Variants in KIF18A observed in about 807,000 individuals in gnomAD.
The protein encoded by KIF18A is kinesin-like protein KIF18A.
A neutral mutation model predicts 103.3 loss-of-function variants in KIF18A; 67 were observed. That is an observed-to-expected ratio of 0.65 (90% CI 0.53 to 0.79). The LOEUF (loss-of-function observed/expected upper bound fraction) is 0.79, where lower values mean the gene tolerates loss of function less well. Ranked by LOEUF, KIF18A falls within the 30% of genes least tolerant of loss-of-function variation. KIF18A has a pLI of 0.00. For missense variants in KIF18A, 1,032 were observed against 1,062.5 expected, an observed-to-expected ratio of 0.97 and a Z score of 0.40; for synonymous variants, 367 against 355.5, an observed-to-expected ratio of 1.03 and a Z score of -0.36.
chr11:28,099,671 G>A (rs1851421059), intron 1 of KIF18A, among the ~76,000 whole-genome samples: 1 of 152,034 alleles, frequency 6.6e-6, no homozygotes, highest in South Asian at 2.1e-4. Flanking sequence ...AAGGAGGTGA[G>A]GGAGTTAGTC....
chr11:28,107,583 C>CAGTGCAA (rs1443246513), intron 1 of KIF18A, among the ~76,000 whole-genome samples: 1 of 152,124 alleles, frequency 6.6e-6, no homozygotes. Flanking sequence ...CCCGATTGAC[C>CAGTGCAA]AGTGCAAGAC....
chr11:28,065,486 C>T (rs186250236), intron 11 of KIF18A, among the ~76,000 whole-genome samples: 24 of 151,984 alleles, frequency 1.6e-4, no homozygotes, highest in African/African-American at 5.1e-4. Context: ...AAAAGTTCTT[C>T]GTAAGAGAAA....
intron 16 of KIF18A, among the ~76,000 whole-genome samples, chr11:28,021,909 C>T (rs1850250620): frequency 6.6e-6 from 1 of 152,116 alleles, no homozygotes; most frequent in South Asian, 2.1e-4. Context: ...CTTTGTTGGC[C>T]ATATTAGGTT....
At position 28,091,432 on chromosome 11, in the gene KIF18A, C is replaced by T. The variant is rs578098705; in HGVS notation, c.565G>A (p.Val189Ile). The T allele has an allele frequency of 9.4e-6, 15 of 1,604,230 alleles. No individual in the cohort carries two copies. The highest frequency in any genetic ancestry group is 4.4e-5 in the South Asian group (4 of 90,618). Residue 189 changes from valine to isoleucine, a missense_variant, in exon 4 of 17, where the codon GTT becomes ATT. Physicochemically the swap from Val to Ile is conservative, Grantham distance 29. Transcript: ENST00000263181. ...ACCTGGTGTAAAGTAAGTCCATGAACGACCACCCCTTTTTGGGTATCTTCC... is the reference window on the plus strand; with the variant it reads ...ACCTGGTGTAAAGTAAGTCCATGAATGACCACCCCTTTTTGGGTATCTTCC... ...VREDTQKGVV[V>I]HGLTLHQPKS...
At chr11:28,080,521 T>C (rs760442890) in intron 9 of KIF18A, among the ~76,000 whole-genome samples, 1 of 152,112 alleles carries the variant, frequency 6.6e-6, no homozygotes, top group Non-Finnish European at 1.5e-5. Context: ...TTGTGACCAA[T>C]GATCTTTGAT....
In KIF18A at chr11:28,083,160, C is replaced by T. The variant is rs113774173; in HGVS notation, c.1149+9G>A. 2.3e-5 allele frequency: 36 copies of T among 1,573,968 alleles called. No individual in the cohort carries two copies. The highest frequency in any genetic ancestry group is 3.1e-5 in the Non-Finnish European group (36 of 1,168,660). ...CGCAAGACTAGCATAAAAATATAAA[C>T]AGACATACCTCTGCCTTCTGCTCAT... On this transcript the variant is annotated intron_variant, in intron 8 of 16. Coordinates refer to ENST00000263181, the MANE Select transcript of KIF18A (RefSeq NM_031217.4).
chr11:28,095,739 G>A (rs1851359820), intron 2 of KIF18A, among the ~76,000 whole-genome samples: 1 of 152,112 alleles, frequency 6.6e-6, no homozygotes, highest in Non-Finnish European at 1.5e-5. Context: ...GCCAGGCTCG[G>A]TGGCTCATCC....
intron 2 of KIF18A, among the ~76,000 whole-genome samples, chr11:28,096,173 CAAAA>C (rs1156735166): frequency 1.4e-4 from 7 of 49,694 alleles, no homozygotes; most frequent in Admixed American, 2.7e-4. Context: ...AAGACTTCAT[CAAAA>C]AAAAAAAAAA....
chr11:28,062,106 A>C (rs1046809250), intron 12 of KIF18A, among the ~76,000 whole-genome samples: 15 of 152,158 alleles, frequency 9.9e-5, no homozygotes, highest in African/African-American at 3.4e-4. Flanking sequence ...TAGAGGTAGA[A>C]GGCAGATTTC....
intron 10 of KIF18A, among the ~76,000 whole-genome samples, chr11:28,070,906 G>C (rs1851004393): frequency 1.3e-5 from 2 of 152,146 alleles, no homozygotes; most frequent in Non-Finnish European, 1.5e-5. Context: ...ATTTAGGCTG[G>C]TTTCGTGGCA....
intron 10 of KIF18A, among the ~76,000 whole-genome samples, chr11:28,073,981 C>G (rs1279144882): frequency 6.6e-6 from 1 of 152,052 alleles, no homozygotes; most frequent in Non-Finnish European, 1.5e-5. Flanking sequence ...CTTATATAAT[C>G]TACACAAAAC....
chr11:28,043,006 A>G (rs950236623), intron 13 of KIF18A, among the ~76,000 whole-genome samples: 2 of 151,864 alleles, frequency 1.3e-5, no homozygotes, highest in Non-Finnish European at 2.9e-5. Context: ...ACACTGGCAG[A>G]TATCAGTAAA....
chr11:28,075,106 T>C (rs972733770), intron 10 of KIF18A, among the ~76,000 whole-genome samples: 10 of 152,218 alleles, frequency 6.6e-5, no homozygotes, highest in African/African-American at 2.4e-4. Flanking sequence ...TCTTTTTCAC[T>C]AAATATCTCC....
intron 1 of KIF18A, among the ~76,000 whole-genome samples, chr11:28,106,364 G>A (rs1156494025): frequency 2.0e-5 from 3 of 151,944 alleles, no homozygotes; most frequent in Non-Finnish European, 4.4e-5. Flanking sequence ...ACACTGTATA[G>A]GACTGAAAAC....
chr11:28,082,903 G>T lies in KIF18A; in HGVS notation c.1215C>A (p.Asp405Glu). 1 of 1,604,782 alleles carries T rather than the reference G, an allele frequency of 6.2e-7. No individual in the cohort carries two copies. The highest frequency in any genetic ancestry group is 8.5e-7 in the Non-Finnish European group (1 of 1,174,716). ...GGTTTGAAATCATTAACTTTGCTTG[G>T]TCATTTTCATTAGTGAAGGCTTTCT... ...EEQKAFTNEN[D>E]QAKLMISNPQ... Residue 405 changes from aspartate (D) to glutamate (E), a missense_variant, in exon 9 of 17, where the codon GAC (aspartate) becomes GAA (glutamate). Physicochemically the swap from Asp to Glu is conservative, Grantham distance 45. Coordinates refer to ENST00000263181, the MANE Select transcript of KIF18A (RefSeq NM_031217.4).
chr11:28,044,815 T>C (rs902142575), intron 13 of KIF18A, among the ~76,000 whole-genome samples: 2 of 152,098 alleles, frequency 1.3e-5, no homozygotes, highest in Non-Finnish European at 2.9e-5. Flanking sequence ...TCTAAAACAA[T>C]GTAACATGGA....
At chr11:28,045,131 G>A (rs942595658) in intron 13 of KIF18A, among the ~76,000 whole-genome samples, 1 of 151,936 alleles carries the variant, frequency 6.6e-6, no homozygotes, top group African/African-American at 2.4e-5. Flanking sequence ...TGGGCATTTT[G>A]ATTTTGACAA....
intron 15 of KIF18A, among the ~76,000 whole-genome samples, chr11:28,029,410 C>T (rs1242295295): frequency 2.0e-5 from 3 of 152,128 alleles, no homozygotes; most frequent in Admixed American, 1.3e-4. Flanking sequence ...AGCATATACA[C>T]AGAACCAAAG....
At position 28,096,442 on chromosome 11, in the gene KIF18A, C is replaced by G. The variant is rs79828398; in HGVS notation, c.325+1181G>C. Among the ~76,000 whole-genome samples, 728 of 152,110 alleles carry G rather than the reference C, an allele frequency of 4.8e-3. 6 individuals are homozygous for G. The highest frequency in any genetic ancestry group is 0.017 in the African/African-American group (686 of 41,506). On this transcript the variant is annotated intron_variant, in intron 2 of 16. Transcript: ENST00000263181. ...GGTATATAAGGAAGGTTTAAAATGGCTTATTCTTAAGCTTATTCTTAAGCT... is the reference window on the plus strand; with the variant it reads ...GGTATATAAGGAAGGTTTAAAATGGGTTATTCTTAAGCTTATTCTTAAGCT...
Sources: allele counts gnomAD v4.1 joint callset (sites outside exome capture counted in the v4.1 genomes callset), GRCh38; gene constraint gnomAD v4.1.1; transcripts MANE v1.5; gene names NCBI Gene and HGNC (gene_info 2026-07-23, HGNC 2026-07-21).